NRP1: variants seen among roughly 807,000 people sequenced by gnomAD.
The protein encoded by NRP1 is neuropilin 1.
A neutral mutation model predicts 106.7 loss-of-function variants in NRP1; 35 were observed. The ratio of observed to expected loss-of-function variants is 0.33; its 90% CI spans 0.25 to 0.43. The LOEUF is 0.43. NRP1 is among the 20% of genes least tolerant of loss of function. The pLI is 1.00. For synonymous variants in NRP1, 437 were observed against 417.9 expected, an observed-to-expected ratio of 1.05 and a Z score of -0.56; for missense variants, 1,024 against 1,170.4, an observed-to-expected ratio of 0.87 and a Z score of 1.83.
chr10:33,252,482 G>A (rs538542612), intron 6 of NRP1, among the ~76,000 whole-genome samples: 1 of 152,110 alleles, frequency 6.6e-6, no homozygotes, highest in Non-Finnish European at 1.5e-5. Context: ...ACTGCCGTGG[G>A]GTCGAAGCCC....
intron 6 of NRP1, among the ~76,000 whole-genome samples, chr10:33,253,600 T>TGG (rs1842007618): frequency 6.6e-6 from 1 of 152,192 alleles, no homozygotes; most frequent in African/African-American, 2.4e-5. Flanking sequence ...GAAACAATTA[T>TGG]TTCATACACG....
chr10:33,250,420 C>T (rs1401794662), intron 6 of NRP1, among the ~76,000 whole-genome samples: 1 of 152,144 alleles, frequency 6.6e-6, no homozygotes, highest in Non-Finnish European at 1.5e-5. Flanking sequence ...TCAAGGTGAA[C>T]CTGAAGCTAA....
chr10:33,206,382 C>T (rs780326115), intron 10 of NRP1: 5 of 513,284 alleles, frequency 9.7e-6, no homozygotes, highest in Non-Finnish European at 1.9e-5. Flanking sequence ...TGGGACATGA[C>T]TACAGATATG....
intron 9 of NRP1, chr10:33,211,426 T>C (rs1274472405): frequency 6.6e-6 from 1 of 152,246 alleles, no homozygotes; most frequent in African/African-American, 2.4e-5. Context: ...CTGATGTTTA[T>C]TTTACTTTTT....
intron 8 of NRP1, among the ~76,000 whole-genome samples, chr10:33,215,550 G>T (rs1371260829): frequency 5.3e-5 from 8 of 152,172 alleles, no homozygotes; most frequent in African/African-American, 1.9e-4. Context: ...TTTTCCTTTA[G>T]AAACTGTACA....
At chr10:33,186,625 T>C in intron 13 of NRP1, 137 bp from the exon 14 acceptor site, 1 of 1,015,486 alleles carries the variant, frequency 9.8e-7, no homozygotes, top group Non-Finnish European at 1.4e-6. Context: ...AAGGGATAAG[T>C]GTGCACACTT....
intron 4 of NRP1, among the ~76,000 whole-genome samples, chr10:33,262,851 C>T (rs1842667686): frequency 6.6e-6 from 1 of 152,118 alleles, no homozygotes; most frequent in South Asian, 2.1e-4. Context: ...TTCTCACCTT[C>T]TAACATTTCA....
intron 2 of NRP1, among the ~76,000 whole-genome samples, chr10:33,317,689 A>G (rs1847136630): frequency 6.6e-6 from 1 of 151,266 alleles, no homozygotes; most frequent in African/African-American, 2.4e-5. Flanking sequence ...TCAAGCACAC[A>G]TGAAAGAATA....
intron 6 of NRP1, among the ~76,000 whole-genome samples, chr10:33,250,765 A>G (rs1056267062): frequency 6.6e-6 from 1 of 152,208 alleles, no homozygotes; most frequent in African/African-American, 2.4e-5. Context: ...AGTGAGGATC[A>G]GATAAAAAAT....
At chr10:33,226,485 A>G (rs1487961361) in intron 6 of NRP1, among the ~76,000 whole-genome samples, 196 bp from the exon 7 acceptor site, 1 of 152,180 alleles carries the variant, frequency 6.6e-6, no homozygotes, top group Non-Finnish European at 1.5e-5. Flanking sequence ...ATCAATGTAA[A>G]CCAAAAATAA....
chr10:33,288,810 T>G (rs896081501), intron 2 of NRP1, among the ~76,000 whole-genome samples: 19 of 152,196 alleles, frequency 1.2e-4, no homozygotes, highest in African/African-American at 4.6e-4. Context: ...TCTCCTTGAA[T>G]GTATAAAACC....
At chr10:33,213,749 A>G in intron 8 of NRP1, 32 bp from the exon 9 acceptor site, 2 of 1,500,060 alleles carry the variant, frequency 1.3e-6, no homozygotes, top group South Asian at 1.3e-5. Context: ...ATAATGTAAA[A>G]TGATTTCCTG....
chr10:33,226,664 T>G (rs930562603), intron 6 of NRP1, among the ~76,000 whole-genome samples: 16 of 152,314 alleles, frequency 1.1e-4, no homozygotes, highest in Admixed American at 9.8e-4. Flanking sequence ...GCTCTTTAAG[T>G]CTGATAAGAA....
intron 9 of NRP1, among the ~76,000 whole-genome samples, chr10:33,209,935 A>T (rs975169445): frequency 6.6e-6 from 1 of 152,254 alleles, no homozygotes; most frequent in Non-Finnish European, 1.5e-5. Context: ...AGGCCATGCC[A>T]GTCAGGAGTG....
At position 33,207,680 on chromosome 10, in the gene NRP1, G is replaced by C. The variant is rs768187031; in HGVS notation, c.1651C>G (p.Leu551Val). The C allele has an allele frequency of 1.2e-6, 2 of 1,614,038 alleles. No homozygotes were observed. Among genetic ancestry groups the C allele is most frequent in the Non-Finnish European group, 1.7e-6 (2 of 1,179,992 alleles). ...EGNNNYDTPE[L>V]RTFPALSTRF... ...GTGGAGAGAGCTGGAAAAGTCCGCA[G>C]CTCAGGTGTATCATAGTTGTTGTTG... The change falls in exon 10 of 17, where the codon CTG becomes GTG. Residue 551 changes from leucine (L) to valine (V), a missense_variant. By Grantham distance (32) the Leu-to-Val change is conservative (BLOSUM62 1). Transcript: ENST00000374867.
At chr10:33,322,448 G>C (rs999277892) in intron 2 of NRP1, among the ~76,000 whole-genome samples, 26 of 152,060 alleles carry the variant, frequency 1.7e-4, no homozygotes, top group African/African-American at 5.8e-4. Context: ...CAAGATTATA[G>C]CTCACTGTCA....
chr10:33,293,021 A>G (rs1016944584), intron 2 of NRP1, among the ~76,000 whole-genome samples: 3 of 151,320 alleles, frequency 2.0e-5, no homozygotes, highest in African/African-American at 7.3e-5. Flanking sequence ...AAGTAATTCC[A>G]CAGCTTCCCT....
At chr10:33,254,906 T>A (rs1272198290) in intron 5 of NRP1, among the ~76,000 whole-genome samples, 1 of 152,218 alleles carries the variant, frequency 6.6e-6, no homozygotes, top group South Asian at 2.1e-4. Context: ...TAGGTGGACA[T>A]GTCCCTGGAG....
At chr10:33,283,464 C>G (rs74129648) in intron 2 of NRP1, among the ~76,000 whole-genome samples, 2 of 152,196 alleles carry the variant, frequency 1.3e-5, no homozygotes, top group Admixed American at 1.3e-4. Flanking sequence ...CAAAATCAAT[C>G]TGTAATGCAG....
Sources: allele counts gnomAD v4.1 joint callset (sites outside exome capture counted in the v4.1 genomes callset), GRCh38; gene constraint gnomAD v4.1.1; transcripts MANE v1.5; gene names NCBI Gene and HGNC (gene_info 2026-07-23, HGNC 2026-07-21).